The following PCDH15 variants were observed in gnomAD, a reference collection of about 807,000 sequenced individuals.
The protein encoded by PCDH15 is protocadherin-15.
PCDH15 carries 129 observed loss-of-function variants against 178.5 expected under a neutral mutation model. The observed-to-expected ratio is 0.72, with a 90% CI of 0.63 to 0.84. The LOEUF is 0.84. Among genes scored for constraint, PCDH15 ranks in the 40% least tolerant of loss-of-function variants. PCDH15 has a pLI of 0.00. For synonymous variants in PCDH15, 800 were observed against 732.0 expected (o/e 1.09, Z -1.50); for missense variants, 2,230 against 2,099.9 (o/e 1.06, Z -1.21).
At chr10:53,907,727 A>G (rs1191089722) in intron 25 of PCDH15, among the ~76,000 whole-genome samples, 1 of 152,184 alleles carries the variant, frequency 6.6e-6, no homozygotes, top group East Asian at 1.9e-4. Context: ...TTTTAAAGAA[A>G]GAGAAAATAA....
chr10:54,819,017 G>T lies in PCDH15; in HGVS notation c.-29+78433C>A, dbSNP rs917653813. Among the ~76,000 whole-genome samples the T allele has an allele frequency of 3.3e-5, 5 of 152,038 alleles. No individual in the cohort carries two copies. The East Asian group carries it at 7.7e-4, about 24-fold the overall frequency. The stretch of plus-strand genomic sequence containing the variant: ...ATAGTTCACTGTAAACTTGAACTCT[G>T]GGGCTCAAGAAATTCTCCTGTCTTA... On this transcript the variant is annotated intron_variant, in intron 3 of 5. Coordinates refer to the PCDH15 transcript ENST00000458638.
chr10:54,380,729 T>TATATAC lies in PCDH15; in HGVS notation c.158-1788_158-1787insGTATAT, dbSNP rs1554941857. Among the ~76,000 whole-genome samples, 29 of 115,052 alleles carry TATATAC rather than the reference T, an allele frequency of 2.5e-4. 1 individual carries two copies. The highest frequency in any genetic ancestry group is 3.7e-4 in the African/African-American group (10 of 26,862). 75.5% of individuals were successfully genotyped at this position (115,052 alleles called of 152,430 possible). On this transcript the variant is annotated intron_variant, in intron 3 of 37. Coordinates refer to ENST00000644397, the MANE Select transcript of PCDH15 (RefSeq NM_001384140.1). ...CCATATATATATATATATATATATA[T>TATATAC]ATATATATATATATATATGCTCCAA...
intron 2 of PCDH15, among the ~76,000 whole-genome samples, chr10:55,118,387 G>A (rs756211049): frequency 2.0e-4 from 30 of 152,216 alleles, no homozygotes; most frequent in African/African-American, 5.8e-4. Context: ...TCATGAGGGC[G>A]TACCATTTTT....
At chr10:54,140,234 T>C (rs1456261491) in intron 14 of PCDH15, among the ~76,000 whole-genome samples, 1 of 152,212 alleles carries the variant, frequency 6.6e-6, no homozygotes, top group African/African-American at 2.4e-5. Context: ...AAGCTGGATG[T>C]AACATGGAGC....
chr10:54,024,080 C>A (rs530309727), intron 18 of PCDH15, among the ~76,000 whole-genome samples: 9 of 151,986 alleles, frequency 5.9e-5, no homozygotes, highest in Non-Finnish European at 1.2e-4. Flanking sequence ...CATAATATAC[C>A]TATATTTACT....
chr10:53,892,577 T>C (rs1017828536), intron 26 of PCDH15, among the ~76,000 whole-genome samples: 5 of 152,170 alleles, frequency 3.3e-5, no homozygotes, highest in Non-Finnish European at 4.4e-5. Flanking sequence ...CATTGTATAC[T>C]CAACTGACAT....
chr10:54,186,876 G>A (rs934682634), intron 11 of PCDH15, among the ~76,000 whole-genome samples: 3 of 151,920 alleles, frequency 2.0e-5, no homozygotes, highest in African/African-American at 7.2e-5. Context: ...AAATGCATAT[G>A]TCTATTCTGA....
chr10:55,439,500 T>C (rs1317506614), intron 2 of PCDH15, among the ~76,000 whole-genome samples: 4 of 152,044 alleles, frequency 2.6e-5, no homozygotes, highest in Non-Finnish European at 4.4e-5. Context: ...AAAAAATTAA[T>C]GTAGCTGAAG....
chr10:54,990,607 T>C (rs1403737705), intron 2 of PCDH15, among the ~76,000 whole-genome samples: 2 of 152,214 alleles, frequency 1.3e-5, no homozygotes, highest in Non-Finnish European at 1.5e-5. Context: ...GAGATATTTT[T>C]AAAATTAGGT....
intron 2 of PCDH15, among the ~76,000 whole-genome samples, chr10:55,566,332 A>G (rs1423231574): frequency 1.3e-5 from 2 of 151,718 alleles, no homozygotes; most frequent in African/African-American, 4.8e-5. Flanking sequence ...AAAAATTCAT[A>G]TATAAAAGTC....
At chr10:54,201,384 A>C (rs992897443) in intron 10 of PCDH15, among the ~76,000 whole-genome samples, 2 of 152,000 alleles carry the variant, frequency 1.3e-5, no homozygotes, top group Non-Finnish European at 2.9e-5. Context: ...TTTGGATAAT[A>C]TTATAAATTT....
intron 2 of PCDH15, among the ~76,000 whole-genome samples, chr10:55,612,094 T>C (rs1339230956): frequency 1.3e-5 from 2 of 152,036 alleles, no homozygotes; most frequent in Non-Finnish European, 2.9e-5. Flanking sequence ...AAATAAGTCC[T>C]AGTGATCTAT....
chr10:54,296,780 CAT>C (rs1188441065), intron 8 of PCDH15, among the ~76,000 whole-genome samples: 2 of 151,360 alleles, frequency 1.3e-5, no homozygotes, highest in Middle Eastern at 3.4e-3. Context: ...CCTTGCTATT[CAT>C]ATAAGTGAGG....
chr10:55,035,212 A>G (rs1339565780), intron 2 of PCDH15, among the ~76,000 whole-genome samples: 1 of 152,184 alleles, frequency 6.6e-6, no homozygotes, highest in African/African-American at 2.4e-5. Flanking sequence ...AAACATTAGC[A>G]TGTTGAGTGG....
chr10:55,464,564 A>G (rs529393338), intron 2 of PCDH15, among the ~76,000 whole-genome samples: 2 of 151,558 alleles, frequency 1.3e-5, no homozygotes, highest in South Asian at 4.2e-4. Flanking sequence ...GAGGCAACTG[A>G]ATAAAGATGT....
chr10:55,621,577 CTATGGT>C (rs1319795920), intron 2 of PCDH15, among the ~76,000 whole-genome samples: 2 of 152,160 alleles, frequency 1.3e-5, no homozygotes, highest in Non-Finnish European at 2.9e-5. Flanking sequence ...ACCAGGAACC[CTATGGT>C]TAGCTGCGCA....
At chr10:54,936,541 A>G (rs1408892476) in intron 2 of PCDH15, among the ~76,000 whole-genome samples, 7 of 151,980 alleles carry the variant, frequency 4.6e-5, no homozygotes, top group Admixed American at 3.9e-4. Context: ...ATTGATATCT[A>G]TTTGTAATGT....
At chr10:54,738,201 C>T (rs1944365520) in intron 1 of PCDH15, among the ~76,000 whole-genome samples, 1 of 151,998 alleles carries the variant, frequency 6.6e-6, no homozygotes, top group African/African-American at 2.4e-5. Flanking sequence ...CAGAATGAGT[C>T]ATTGAGGATT....
chr10:54,614,828 T>C (rs916529090), intron 2 of PCDH15, among the ~76,000 whole-genome samples: 2 of 152,012 alleles, frequency 1.3e-5, no homozygotes, highest in Non-Finnish European at 2.9e-5. Flanking sequence ...CTGCTACTTA[T>C]TACCTCTTCC....
Sources: allele counts gnomAD v4.1 joint callset (sites outside exome capture counted in the v4.1 genomes callset), GRCh38; gene constraint gnomAD v4.1.1; transcripts MANE v1.5; gene names NCBI Gene and HGNC (gene_info 2026-07-23, HGNC 2026-07-21).